Variants in SNX25 observed in about 807,000 individuals in gnomAD.
SNX25 encodes sorting nexin-25.
In SNX25, 62 loss-of-function variants were observed where a neutral mutation model predicts 113.7. The observed-to-expected ratio is 0.55, with a 90% confidence interval of 0.44 to 0.67. The LOEUF (loss-of-function observed/expected upper bound fraction) is 0.67, where lower values mean the gene tolerates loss of function less well. Among genes scored for constraint, SNX25 ranks in the 30% least tolerant of loss-of-function variants. The probability of loss-of-function intolerance (pLI) is 0.00; values close to 1 mark genes in which losing one functional copy is unlikely to be tolerated. For missense variants in SNX25, 1,014 were observed against 1,161.0 expected (o/e 0.87, Z 1.84); for synonymous variants, 421 against 436.2 (o/e 0.97, Z 0.43).
intron 8 of SNX25, 134 bp from the exon 9 acceptor site, chr4:185,323,393 TG>T: frequency 1.3e-6 from 1 of 761,844 alleles, no homozygotes; most frequent in Non-Finnish European, 2.1e-6. Flanking sequence ...ACCCTGAATA[TG>T]GACACAAAAT....
At chr4:185,332,524 TA>T (rs2095202583) in intron 9 of SNX25, 70 bp from the exon 10 acceptor site, 1 of 1,415,806 alleles carries the variant, frequency 7.1e-7, no homozygotes, top group African/African-American at 1.4e-5. Context: ...TGCAACAGGG[TA>T]TCGTGACCGA....
chr4:185,331,289 G>A (rs148199697), intron 9 of SNX25, among the ~76,000 whole-genome samples: 9 of 152,268 alleles, frequency 5.9e-5, no homozygotes, highest in East Asian at 1.9e-4. Context: ...TTAGGAATGC[G>A]CCTCATAAAT....
intron 5 of SNX25, among the ~76,000 whole-genome samples, chr4:185,286,762 A>C (rs926399363): frequency 1.3e-5 from 2 of 152,232 alleles, no homozygotes; most frequent in Non-Finnish European, 2.9e-5. Context: ...TCTGACTGGC[A>C]TGCCAACACT....
chr4:185,332,327 A>T (rs560498261), intron 9 of SNX25, among the ~76,000 whole-genome samples: 234 of 152,336 alleles, frequency 1.5e-3, no homozygotes, highest in Non-Finnish European at 2.5e-3. Context: ...AGATTTCCTT[A>T]GAGGTACCAC....
intron 1 of SNX25, among the ~76,000 whole-genome samples, chr4:185,242,897 A>G (rs558359291): frequency 7.2e-5 from 11 of 152,276 alleles, no homozygotes; most frequent in East Asian, 1.9e-4. Flanking sequence ...AATATATATC[A>G]TAACACTGCA....
intron 6 of SNX25, among the ~76,000 whole-genome samples, chr4:185,301,398 T>G (rs1255167038): frequency 6.6e-6 from 1 of 152,126 alleles, no homozygotes; most frequent in East Asian, 1.9e-4. Flanking sequence ...TTATTACCTT[T>G]GTTTTGTTTT....
intron 7 of SNX25, among the ~76,000 whole-genome samples, chr4:185,319,634 C>G (rs2095104651): frequency 6.6e-6 from 1 of 151,856 alleles, no homozygotes; most frequent in Non-Finnish European, 1.5e-5. Context: ...CAGGCATGTC[C>G]TTAATCTTGG....
chr4:185,255,558 G>A (rs1579495632), intron 2 of SNX25, among the ~76,000 whole-genome samples: 1 of 152,162 alleles, frequency 6.6e-6, no homozygotes, highest in African/African-American at 2.4e-5. Context: ...TTTGTGTCTT[G>A]TACAGCAGTT....
chr4:185,214,684 GT>G (rs1259943686), intron 1 of SNX25, among the ~76,000 whole-genome samples: 1 of 152,212 alleles, frequency 6.6e-6, no homozygotes, highest in African/African-American at 2.4e-5. Context: ...CCGGAAAGTA[GT>G]TTAACAAGTT....
intron 13 of SNX25, among the ~76,000 whole-genome samples, chr4:185,350,149 C>T (rs770508827): frequency 2.6e-5 from 4 of 152,156 alleles, no homozygotes; most frequent in Admixed American, 6.5e-5. Flanking sequence ...TTCCGTGGAC[C>T]CCTTGTCCCC....
At position 185,244,737 on chromosome 4, in the gene SNX25, A is replaced by C. The variant is rs189583173; in HGVS notation, c.430-2557A>C. Among the ~76,000 whole-genome samples, 377 of 152,340 alleles carry C rather than the reference A, an allele frequency of 2.5e-3. 1 individual carries two copies. Among genetic ancestry groups the C allele is most frequent in the African/African-American group, 8.7e-3 (360 of 41,574 alleles). On this transcript the variant is annotated intron_variant, in intron 1 of 18. Coordinates refer to ENST00000652585, the MANE Select transcript of SNX25 (RefSeq NM_001378034.2). ...TTGAATGCTATATATTAATTTGAGC[A>C]TAAAGGAATATCTTTTCTTTCTTGG...
chr4:185,331,486 A>T (rs1445559975), intron 9 of SNX25, among the ~76,000 whole-genome samples: 1 of 152,228 alleles, frequency 6.6e-6, no homozygotes, highest in African/African-American at 2.4e-5. Flanking sequence ...ACAACCAGTT[A>T]AAAGAACATA....
At chr4:185,233,832 A>G (rs1056949147) in intron 1 of SNX25, among the ~76,000 whole-genome samples, 1 of 151,330 alleles carries the variant, frequency 6.6e-6, no homozygotes, top group African/African-American at 2.4e-5. Flanking sequence ...AATTCTTCCA[A>G]TTGAATGGAA....
At position 185,222,066 on chromosome 4, in the gene SNX25, T is replaced by C. The variant is rs72496328; in HGVS notation, c.429+11811T>C. On this transcript the variant is annotated intron_variant, in intron 1 of 18. Transcript: ENST00000652585. ...TACAGCACCATATACCCCTCCTTCA[T>C]GGTAGGTATATAGCGCCATATACCC... Among the ~76,000 whole-genome samples the C allele has an allele frequency of 5.8e-3, 122 of 21,154 alleles. 2 individuals are homozygous for C. The highest frequency in any genetic ancestry group is 0.014 in the African/African-American group (103 of 7,438). 13.9% of individuals were successfully genotyped at this position (21,154 alleles called of 152,430 possible).
chr4:185,323,827 T>C (rs749345715), intron 9 of SNX25, 27 bp downstream of exon 9: 1 of 1,605,832 alleles, frequency 6.2e-7, no homozygotes, highest in Non-Finnish European at 8.5e-7. Flanking sequence ...TTTCTGCTCC[T>C]TTTTATTGGA....
At chr4:185,279,328 G>A (rs1750230748) in intron 5 of SNX25, among the ~76,000 whole-genome samples, 1 of 152,056 alleles carries the variant, frequency 6.6e-6, no homozygotes, top group Non-Finnish European at 1.5e-5. Flanking sequence ...GCCTTGTGAT[G>A]GCTGGTTACC....
chr4:185,308,338 C>T (rs1414173935), intron 6 of SNX25, among the ~76,000 whole-genome samples: 1 of 152,174 alleles, frequency 6.6e-6, no homozygotes, highest in Admixed American at 6.5e-5. Context: ...CTTGACGTGG[C>T]ATAACTTGTA....
At chr4:185,366,489 A>G (rs113360613), downstream of SNX25, 231 of 152,322 alleles carry the variant, frequency 1.5e-3, 2 homozygotes, top group African/African-American at 5.1e-3. Flanking sequence ...TTCTAAAGCA[A>G]TGTCTTATAA....
chr4:185,349,262 G>A (rs2095303919), intron 13 of SNX25, among the ~76,000 whole-genome samples: 2 of 152,124 alleles, frequency 1.3e-5, no homozygotes, highest in South Asian at 4.2e-4. Context: ...GCGGGCTGTG[G>A]GTTGGACAAG....
Sources: gnomAD v4.1 joint callset for allele counts (sites outside exome capture counted in the v4.1 genomes callset) on GRCh38, gnomAD v4.1.1 for gene constraint, MANE v1.5 for transcripts, NCBI Gene and HGNC (gene_info 2026-07-23, HGNC 2026-07-21) for gene names.